PDK1: variants seen among roughly 807,000 people sequenced by gnomAD.
PDK1 encodes the protein pyruvate dehydrogenase kinase 1.
Under a neutral mutation model 54.2 loss-of-function variants are expected in PDK1, and 39 were observed. That is an observed-to-expected ratio of 0.72 (90% CI 0.56 to 0.94). The LOEUF (loss-of-function observed/expected upper bound fraction) is 0.94, where lower values mean the gene tolerates loss of function less well. Among genes scored for constraint, PDK1 ranks in the 40% least tolerant of loss-of-function variants. The probability of loss-of-function intolerance (pLI) is 0.00; values close to 1 mark genes in which losing one functional copy is unlikely to be tolerated. For missense variants in PDK1, 552 were observed against 566.0 expected, an observed-to-expected ratio of 0.98 and a Z score of 0.25; for synonymous variants, 221 against 207.1, an observed-to-expected ratio of 1.07 and a Z score of -0.58.
chr2:172,583,778 A>C (rs966484424), intron 8 of PDK1, among the ~76,000 whole-genome samples: 1 of 152,100 alleles, frequency 6.6e-6, no homozygotes, highest in Non-Finnish European at 1.5e-5. Context: ...TTTTAAATAT[A>C]TAAAAACTCA....
rs1357646032 is a variant in PDK1, at chr2:172,603,356, A to G, written c.*7387A>G. 1 of 152,212 alleles carries G rather than the reference A, an allele frequency of 6.6e-6. No homozygotes were observed. Among genetic ancestry groups the G allele is most frequent in the Admixed American group, 6.5e-5 (1 of 15,282 alleles). 9.4% of individuals were successfully genotyped at this position (152,212 alleles called of 1,614,324 possible). A position where few individuals can be genotyped will look rare whatever the true frequency, so the allele number is the denominator to read the frequency against. On this transcript the variant is annotated 3_prime_UTR_variant, in exon 11 of 11. Transcript: ENST00000282077. ...TCCATGACCTCGAGATCGAAAACCC[A>G]TTAGTTAATCTTTGTGACATCTGAA...
rs553952911 is a variant in PDK1 at position 172,583,662 on chromosome 2, G to T, written c.946-2616G>T. 1.1e-4 allele frequency among the ~76,000 whole-genome samples: 17 copies of T among 151,984 alleles called. No homozygotes were observed. In the South Asian group the frequency reaches 3.5e-3, roughly 32 times the overall value. On this transcript the variant is annotated intron_variant, in intron 8 of 10. Coordinates refer to ENST00000282077, the MANE Select transcript of PDK1 (RefSeq NM_002610.5). ...TAATTACTTAATTTTAGATGTATTC[G>T]AGGCACATCTTTCAATGGTATTTCA...
chr2:172,620,550 GCT>G, the PDK1 span, among the ~76,000 whole-genome samples: 6 of 152,254 alleles, frequency 3.9e-5, no homozygotes, highest in South Asian at 1.2e-3. Context: ...ATACGGTTTA[GCT>G]CTGTCTCCCC....
rs1690996143 is a variant in PDK1, at chr2:172,598,426, C to T, written c.*2457C>T. 1 of 152,082 alleles carries T rather than the reference C, an allele frequency of 6.6e-6. No individual in the cohort carries two copies. The highest frequency in any genetic ancestry group is 6.5e-5 in the Admixed American group (1 of 15,268). 9.4% of individuals were successfully genotyped at this position (152,082 alleles called of 1,614,324 possible). A position where few individuals can be genotyped will look rare whatever the true frequency, so the allele number is the denominator to read the frequency against. ...AAAAATATTCTGGGAGAGCTTTTTCCTAGTTGGTTTTAAATCATTGTGCCA... is the reference window on the plus strand; with the variant it reads ...AAAAATATTCTGGGAGAGCTTTTTCTTAGTTGGTTTTAAATCATTGTGCCA... On this transcript the variant is annotated 3_prime_UTR_variant, in exon 11 of 11. Coordinates refer to ENST00000282077, the MANE Select transcript of PDK1 (RefSeq NM_002610.5).
chr2:172,566,284 G>A (rs1387719578), intron 5 of PDK1, among the ~76,000 whole-genome samples: 1 of 152,182 alleles, frequency 6.6e-6, no homozygotes, highest in East Asian at 1.9e-4. Flanking sequence ...GCCAGGCACA[G>A]TGGCTCATGC....
At chr2:172,700,610 G>A in the PDK1 span, among the ~76,000 whole-genome samples, 3 of 152,194 alleles carry the variant, frequency 2.0e-5, no homozygotes, top group Non-Finnish European at 4.4e-5. Context: ...GTGGCGGCCA[G>A]GTAGAGGCTA....
chr2:172,657,466 C>CTTTTTTTTTTTTTTTTTT, the PDK1 span, among the ~76,000 whole-genome samples: 1 of 107,182 alleles, frequency 9.3e-6, no homozygotes, highest in Non-Finnish European at 2.2e-5. Context: ...TATTTTTTAA[C>CTTTTTTTTTTTTTTTTTT]TTGTGGTTTT....
chr2:172,576,009 G>A (rs1689561694), intron 8 of PDK1, among the ~76,000 whole-genome samples: 2 of 151,888 alleles, frequency 1.3e-5, no homozygotes, highest in African/African-American at 4.8e-5. Context: ...CTCACTACAA[G>A]CTCCGCCTCC....
At chr2:172,637,055 T>A in the PDK1 span, among the ~76,000 whole-genome samples, 2 of 152,258 alleles carry the variant, frequency 1.3e-5, no homozygotes, top group Non-Finnish European at 2.9e-5. Flanking sequence ...TATAACTGTT[T>A]ATGTTATTGC....
At chr2:172,703,589 T>G in the PDK1 span, among the ~76,000 whole-genome samples, 5 of 151,832 alleles carry the variant, frequency 3.3e-5, no homozygotes, top group Admixed American at 6.6e-5. Context: ...AAATAAAAAA[T>G]CAAAGAAAAT....
the PDK1 span, among the ~76,000 whole-genome samples, chr2:172,621,695 A>G: frequency 4.8e-5 from 7 of 146,958 alleles, no homozygotes; most frequent in Admixed American, 2.7e-4. Context: ...TATATCATAT[A>G]TATGTTTATA....
chr2:172,724,268 T>G, the PDK1 span: 70 of 143,686 alleles, frequency 4.9e-4, no homozygotes, highest in African/African-American at 1.8e-3. Flanking sequence ...AGCTGGTAAG[T>G]GAGATGGCAG....
chr2:172,556,010 G>C (rs1415910076), upstream of PDK1: 2 of 533,762 alleles, frequency 3.7e-6, no homozygotes, highest in Non-Finnish European at 5.9e-6. Context: ...GCAGGGGGCC[G>C]GGCTCCGGCT....
At chr2:172,686,979 CAT>C in the PDK1 span, among the ~76,000 whole-genome samples, 9 of 152,162 alleles carry the variant, frequency 5.9e-5, no homozygotes, top group Admixed American at 1.3e-4. Context: ...AAGAGAATAA[CAT>C]ATGCACTACT....
intron 2 of PDK1, 122 bp downstream of exon 2, chr2:172,558,971 C>T (rs758418130): frequency 7.7e-6 from 8 of 1,032,326 alleles, no homozygotes; most frequent in African/African-American, 4.9e-5. Context: ...TTGTTTGAGA[C>T]GGAGTCTTGC....
chr2:172,665,264 A>G, the PDK1 span, among the ~76,000 whole-genome samples: 227 of 151,958 alleles, frequency 1.5e-3, 2 homozygotes, highest in African/African-American at 5.2e-3. Flanking sequence ...CCTGAAGTCC[A>G]TGCTCTGATC....
the PDK1 span, among the ~76,000 whole-genome samples, chr2:172,686,612 GC>G: frequency 3.3e-5 from 5 of 152,172 alleles, no homozygotes; most frequent in Non-Finnish European, 7.3e-5. Context: ...ACCTGCTTGG[GC>G]CACTTTTTAC....
At position 172,603,831 on chromosome 2, in the gene PDK1, A is replaced by G. The variant is rs775503279; in HGVS notation, c.*7862A>G. On this transcript the variant is annotated 3_prime_UTR_variant, in exon 11 of 11. Coordinates refer to ENST00000282077, the MANE Select transcript of PDK1 (RefSeq NM_002610.5). Reference sequence around the variant, plus strand: ...TTAATGTTCTGCATTAATTTAGCGGATGACTATAGTCATTTCACATAATCT... The same window carrying G: ...TTAATGTTCTGCATTAATTTAGCGGGTGACTATAGTCATTTCACATAATCT... 6 of 152,176 alleles carry G rather than the reference A, an allele frequency of 3.9e-5. No individual in the cohort carries two copies. Among genetic ancestry groups the G allele is most frequent in the Non-Finnish European group, 7.3e-5 (5 of 68,040 alleles). The allele number at this position is 152,176 out of a possible 1,614,324, so 9.4% of individuals were successfully genotyped here. A position where few individuals can be genotyped will look rare whatever the true frequency, so the allele number is the denominator to read the frequency against.
At chr2:172,616,526 T>C in the PDK1 span, among the ~76,000 whole-genome samples, 1 of 152,116 alleles carries the variant, frequency 6.6e-6, no homozygotes, top group African/African-American at 2.4e-5. Context: ...CTACGTTTTT[T>C]GAAAGGTGAG....
Sources: gnomAD v4.1 joint callset for allele counts (sites outside exome capture counted in the v4.1 genomes callset) on GRCh38, gnomAD v4.1.1 for gene constraint, MANE v1.5 for transcripts, NCBI Gene and HGNC (gene_info 2026-07-23, HGNC 2026-07-21) for gene names.